Variants in TMEM131 observed in about 807,000 individuals in gnomAD.
TMEM131 encodes 2610524E03Rik.
In TMEM131, 66 loss-of-function variants were observed where a neutral mutation model predicts 211.6. The observed-to-expected ratio is 0.31, with a 90% CI of 0.26 to 0.38. TMEM131 has a LOEUF of 0.38. Among genes scored for constraint, TMEM131 ranks in the 10% least tolerant of loss-of-function variants. The probability of loss-of-function intolerance (pLI) is 1.00; values close to 1 mark genes in which losing one functional copy is unlikely to be tolerated. For synonymous variants in TMEM131, 844 were observed against 841.3 expected (o/e 1.00, Z -0.06); for missense variants, 2,036 against 2,299.3 (o/e 0.89, Z 2.34).
At position 97,759,772 on chromosome 2, in the gene TMEM131, G is replaced by T. The variant is rs775824352; in HGVS notation, c.5109-23C>A. The T allele has an allele frequency of 1.9e-6, 3 of 1,577,416 alleles. 1 individual carries two copies. The highest frequency in any genetic ancestry group is 4.5e-5 in the East Asian group (2 of 44,242). ...GAGCTAAATGTTACAAGAGGAAAAC[G>T]CAACACACAAAAATGTATGGTGGTT... On this transcript the variant is annotated intron_variant, in intron 38 of 40. Transcript: ENST00000186436.
intron 1 of TMEM131, among the ~76,000 whole-genome samples, chr2:97,943,822 G>A (rs889132512): frequency 3.3e-5 from 5 of 152,130 alleles, no homozygotes; most frequent in Admixed American, 1.3e-4. Flanking sequence ...AGTGGCTCAC[G>A]TCTGTAATTC....
intron 5 of TMEM131, among the ~76,000 whole-genome samples, chr2:97,856,708 T>C: frequency 6.6e-6 from 1 of 152,214 alleles, no homozygotes; most frequent in Admixed American, 6.5e-5. Context: ...CTCTTATTGT[T>C]GGCATAAAGC....
chr2:97,902,547 T>G (rs549141431), intron 3 of TMEM131, among the ~76,000 whole-genome samples: 1 of 152,344 alleles, frequency 6.6e-6, no homozygotes, highest in African/African-American at 2.4e-5. Flanking sequence ...ACTGTACATA[T>G]TTATACACAT....
chr2:97,906,716 T>A (rs1008941097), intron 3 of TMEM131, among the ~76,000 whole-genome samples: 1 of 152,134 alleles, frequency 6.6e-6, no homozygotes, highest in Non-Finnish European at 1.5e-5. Context: ...AGCATCAACA[T>A]GTAATGAACA....
chr2:97,844,169 A>T lies in TMEM131; in HGVS notation c.576T>A (p.Ser192=). The T allele has an allele frequency of 8.5e-7, 1 of 1,174,526 alleles. No individual in the cohort carries two copies. The highest frequency in any genetic ancestry group is 1.1e-6 in the Non-Finnish European group (1 of 874,018). 72.8% of individuals were successfully genotyped at this position (1,174,526 alleles called of 1,614,324 possible). Residue 192 remains serine, a synonymous_variant, in exon 6 of 41, where the codon TCT becomes TCA. Coordinates refer to ENST00000186436, the MANE Select transcript of TMEM131 (RefSeq NM_015348.2). ...CCTGGTAAGTAAATACCCCATGATT[A>T]GATGTATTAATAAATAAAGTATTTT... ...NVENTLFINT[S]NHGVFTYQVF...
At position 97,815,246 on chromosome 2, in the gene TMEM131, C is replaced by T; in HGVS notation, c.1245G>A (p.Lys415=). 6.3e-7 allele frequency: 1 copy of T among 1,575,536 alleles called. No individual in the cohort carries two copies. The highest frequency in any genetic ancestry group is 8.5e-7 in the Non-Finnish European group (1 of 1,169,946). Residue 415 remains lysine, a synonymous_variant, in exon 13 of 41, where the codon AAG becomes AAA. Transcript: ENST00000186436. The part of the protein sequence containing the change: ...SGKITVKAKE[K]SYSKLEIPYQ... ...ATGGTATTTCAAGTTTAGAATAACT[C>T]TTTTCCTTTGCTTTAACTGTTATTT...
At chr2:97,963,619 G>A (rs1307079134) in intron 1 of TMEM131, among the ~76,000 whole-genome samples, 1 of 152,334 alleles carries the variant, frequency 6.6e-6, no homozygotes, top group East Asian at 1.9e-4. Flanking sequence ...GGAGGCTGAG[G>A]CAGGAGAACC....
chr2:97,983,940 T>C (rs1403307841), intron 1 of TMEM131, among the ~76,000 whole-genome samples: 1 of 152,136 alleles, frequency 6.6e-6, no homozygotes, highest in East Asian at 1.9e-4. Flanking sequence ...GATAAGAGAA[T>C]AGACTTGTGT....
Position 97,812,727 on chromosome 2 carries a change from A to G in TMEM131, c.1640T>C (p.Ile547Thr). Residue 547 changes from isoleucine to threonine, a missense_variant, in exon 16 of 41, where the codon ATA (isoleucine) becomes ACA (threonine). Ile to Thr is a moderately conservative substitution (Grantham distance 89). Around this residue, in one of 3 missense-constraint regions of TMEM131, gnomAD observed 1,623 missense variants for 1,805.9 expected, o/e 0.90. Transcript: ENST00000186436. ...TCCAAAATCTATGAAACGTTCCTCT[A>G]TTTTGGGGGGCAATACAAAGTACTG... Reference protein sequence around the residue: ...FLDYFVLPPKIEERFIDFGVL... With the variant: ...FLDYFVLPPKTEERFIDFGVL... The G allele has an allele frequency of 6.3e-7, 1 of 1,586,246 alleles. No individual in the cohort carries two copies.
intron 4 of TMEM131, among the ~76,000 whole-genome samples, chr2:97,876,835 T>C (rs985528767): frequency 3.9e-5 from 6 of 152,138 alleles, no homozygotes; most frequent in African/African-American, 1.4e-4. Context: ...CAACATAGTA[T>C]TGGAAGTTCT....
At chr2:97,932,740 A>C (rs1677281985) in intron 1 of TMEM131, among the ~76,000 whole-genome samples, 1 of 152,186 alleles carries the variant, frequency 6.6e-6, no homozygotes, top group Non-Finnish European at 1.5e-5. Flanking sequence ...AAAATCACTA[A>C]AACTCTGAAG....
At chr2:97,817,750 A>C (rs901562140) in intron 12 of TMEM131, among the ~76,000 whole-genome samples, 34 of 152,170 alleles carry the variant, frequency 2.2e-4, no homozygotes, top group Non-Finnish European at 4.1e-4. Context: ...TACTCTCATA[A>C]ACACTGTGTG....
chr2:97,936,107 A>C (rs1444772426), intron 1 of TMEM131, among the ~76,000 whole-genome samples: 1 of 152,192 alleles, frequency 6.6e-6, no homozygotes, highest in Non-Finnish European at 1.5e-5. Flanking sequence ...CCTGACTCAG[A>C]GCTTTCCCAC....
chr2:97,770,307 C>T (rs1233139170), intron 33 of TMEM131, among the ~76,000 whole-genome samples: 3 of 152,070 alleles, frequency 2.0e-5, no homozygotes, highest in Non-Finnish European at 2.9e-5. Context: ...CTTTCATCCT[C>T]GAGTTCAGAA....
intron 2 of TMEM131, among the ~76,000 whole-genome samples, chr2:97,921,605 T>C (rs1002889885): frequency 6.6e-6 from 1 of 152,262 alleles, no homozygotes; most frequent in Middle Eastern, 3.4e-3. Flanking sequence ...ATGTAACCAA[T>C]AAAGAACTCA....
At chr2:97,882,846 T>A (rs1217785795) in intron 4 of TMEM131, among the ~76,000 whole-genome samples, 1 of 152,198 alleles carries the variant, frequency 6.6e-6, no homozygotes, top group Non-Finnish European at 1.5e-5. Context: ...TTGCGAGATA[T>A]AACAAACTCC....
At chr2:97,977,785 C>A (rs1679608407) in intron 1 of TMEM131, among the ~76,000 whole-genome samples, 1 of 152,158 alleles carries the variant, frequency 6.6e-6, no homozygotes, top group Non-Finnish European at 1.5e-5. Flanking sequence ...GTGGCTGTGG[C>A]AATTTCTTGA....
At chr2:97,809,813 G>T in intron 18 of TMEM131, 39 bp from the exon 19 acceptor site, 1 of 1,479,244 alleles carries the variant, frequency 6.8e-7, no homozygotes, top group South Asian at 1.2e-5. Context: ...AAGTAGTTAA[G>T]ACTTAGCCTG....
At chr2:97,835,313 C>T (rs759210052) in intron 8 of TMEM131, among the ~76,000 whole-genome samples, 3 of 152,188 alleles carry the variant, frequency 2.0e-5, no homozygotes, top group Non-Finnish European at 4.4e-5. Context: ...ACAGAAATGT[C>T]ACCATCAGAG....
Sources: allele counts gnomAD v4.1 joint callset (sites outside exome capture counted in the v4.1 genomes callset), GRCh38; gene constraint gnomAD v4.1.1; regional missense constraint gnomAD v4.1.1; transcripts MANE v1.5; gene names NCBI Gene and HGNC (gene_info 2026-07-23, HGNC 2026-07-21).